The following CDK14 variants were observed in gnomAD, a reference collection of about 807,000 sequenced individuals.
CDK14 encodes the protein cyclin dependent kinase 14.
Under a neutral mutation model 60.7 loss-of-function variants are expected in CDK14, and 34 were observed. The ratio of observed to expected loss-of-function variants is 0.56; its 90% CI spans 0.43 to 0.75. The LOEUF is 0.75. CDK14 is among the 30% of genes least tolerant of loss of function. The probability of loss-of-function intolerance (pLI) is 0.00; values close to 1 mark genes in which losing one functional copy is unlikely to be tolerated. For synonymous variants in CDK14, 197 were observed against 203.7 expected (o/e 0.97, Z 0.28); for missense variants, 482 against 564.1 (o/e 0.85, Z 1.47).
At chr7:90,909,500 C>A (rs1229500822) in intron 7 of CDK14, among the ~76,000 whole-genome samples, 1 of 143,294 alleles carries the variant, frequency 7.0e-6, no homozygotes, top group African/African-American at 2.6e-5. Flanking sequence ...ACTTACTGTA[C>A]TAGATCTTCT....
chr7:91,117,743 A>G (rs1408149021), intron 13 of CDK14, among the ~76,000 whole-genome samples: 1 of 152,188 alleles, frequency 6.6e-6, no homozygotes, highest in Non-Finnish European at 1.5e-5. Flanking sequence ...GAGGCTCAAT[A>G]AATATTTTTC....
At chr7:91,153,288 G>T (rs905040168) in intron 14 of CDK14, among the ~76,000 whole-genome samples, 2 of 152,182 alleles carry the variant, frequency 1.3e-5, no homozygotes, top group Non-Finnish European at 2.9e-5. Flanking sequence ...TACAGTGTTG[G>T]TGTGAGTGTA....
At chr7:90,799,951 A>G (rs1470387402) in intron 5 of CDK14, among the ~76,000 whole-genome samples, 1 of 152,166 alleles carries the variant, frequency 6.6e-6, no homozygotes, top group Non-Finnish European at 1.5e-5. Context: ...CAGCATCCAC[A>G]TAGGACAAGA....
intron 4 of CDK14, among the ~76,000 whole-genome samples, chr7:90,759,887 G>T (rs1411888568): frequency 6.6e-6 from 1 of 152,142 alleles, no homozygotes; most frequent in Non-Finnish European, 1.5e-5. Context: ...CTTATGTTCA[G>T]TTTCTGTTGA....
intron 9 of CDK14, among the ~76,000 whole-genome samples, chr7:90,962,891 T>A (rs1794641161): frequency 1.3e-5 from 2 of 152,118 alleles, no homozygotes; most frequent in Admixed American, 6.5e-5. Context: ...CCCCAAATGT[T>A]GAGAACAGTG....
chr7:90,801,404 T>C (rs919828962), intron 5 of CDK14, among the ~76,000 whole-genome samples: 2 of 152,230 alleles, frequency 1.3e-5, no homozygotes, highest in Admixed American at 6.5e-5. Flanking sequence ...AAAATATCAT[T>C]CTCTGTGGAT....
In CDK14 at chr7:90,856,543, G is replaced by A. The variant is rs759896115; in HGVS notation, c.545-6632G>A. Among the ~76,000 whole-genome samples the A allele has an allele frequency of 1.6e-4, 24 of 152,200 alleles. No individual in the cohort carries two copies. The Middle Eastern group carries it at 0.014, about 86-fold the overall frequency. ...TATAGAACCATGAATGCACTAACCC[G>A]GAGCTGCGTATCAGTGCTCAGCGTA... On this transcript the variant is annotated intron_variant, in intron 5 of 14. Transcript: ENST00000380050.
intron 8 of CDK14, among the ~76,000 whole-genome samples, chr7:90,938,017 T>C (rs1793808043): frequency 6.6e-6 from 1 of 152,250 alleles, no homozygotes; most frequent in African/African-American, 2.4e-5. Context: ...ACACAATTTT[T>C]ATAGTAGTTG....
intron 14 of CDK14, among the ~76,000 whole-genome samples, chr7:91,191,620 G>C (rs913465233): frequency 5.3e-5 from 8 of 151,686 alleles, no homozygotes; most frequent in Non-Finnish European, 1.0e-4. Context: ...TGTTCAGATG[G>C]GGGGGTGGGA....
chr7:90,983,679 CAAA>C (rs199848997), intron 9 of CDK14, among the ~76,000 whole-genome samples: 1 of 116,858 alleles, frequency 8.6e-6, no homozygotes, highest in Non-Finnish European at 1.8e-5. Context: ...GACTCCATCT[CAAA>C]AAAAAAAAAA....
At chr7:91,040,632 G>A (rs991194393) in intron 10 of CDK14, among the ~76,000 whole-genome samples, 2 of 152,202 alleles carry the variant, frequency 1.3e-5, no homozygotes, top group Non-Finnish European at 2.9e-5. Context: ...GGAATCTGGT[G>A]CTTCCCATAT....
chr7:91,113,423 A>AT (rs2116357475), intron 13 of CDK14, among the ~76,000 whole-genome samples: 1 of 152,282 alleles, frequency 6.6e-6, no homozygotes, highest in South Asian at 2.1e-4. Flanking sequence ...CATTTTAAAT[A>AT]TTTGGGGGAG....
intron 5 of CDK14, among the ~76,000 whole-genome samples, chr7:90,815,681 C>T (rs1378129618): frequency 2.0e-5 from 3 of 152,096 alleles, no homozygotes; most frequent in African/African-American, 4.8e-5. Flanking sequence ...TGCCCATCAA[C>T]GATAGACTGG....
At position 90,763,232 on chromosome 7, in the gene CDK14, C is replaced by T. The variant is rs184988043; in HGVS notation, c.464+15457C>T. ...GGTTGTGACTTCAACACCACTTTGT[C>T]GGTAATTGACAGATTAAGCAGGCAG... On this transcript the variant is annotated intron_variant, in intron 4 of 14. Transcript: ENST00000380050. 1.1e-3 allele frequency among the ~76,000 whole-genome samples: 173 copies of T among 152,240 alleles called. 1 individual carries two copies. The highest frequency in any genetic ancestry group is 6.8e-3 in the Middle Eastern group (2 of 294).
At chr7:91,071,101 T>TA (rs1798129993) in intron 11 of CDK14, among the ~76,000 whole-genome samples, 1 of 152,098 alleles carries the variant, frequency 6.6e-6, no homozygotes, top group African/African-American at 2.4e-5. Context: ...TTCCAGATAG[T>TA]AAAGCCAAGA....
At chr7:91,104,153 AC>A (rs1799220654) in intron 12 of CDK14, among the ~76,000 whole-genome samples, 1 of 152,202 alleles carries the variant, frequency 6.6e-6, no homozygotes, top group African/African-American at 2.4e-5. Context: ...CTCTTGTCCC[AC>A]ATACCCTTCC....
intron 11 of CDK14, among the ~76,000 whole-genome samples, chr7:91,062,703 AC>A (rs1222576722): frequency 6.6e-6 from 1 of 152,170 alleles, no homozygotes; most frequent in Non-Finnish European, 1.5e-5. Context: ...GGGAAGGTAG[AC>A]AGGGCAGATG....
chr7:90,828,784 G>T (rs1431240787), intron 5 of CDK14, among the ~76,000 whole-genome samples: 1 of 152,200 alleles, frequency 6.6e-6, no homozygotes, highest in Non-Finnish European at 1.5e-5. Context: ...TGAGGTCTCT[G>T]TTGACACGTT....
intron 7 of CDK14, among the ~76,000 whole-genome samples, chr7:90,908,592 A>G (rs1175997278): frequency 6.6e-6 from 1 of 151,854 alleles, no homozygotes; most frequent in Non-Finnish European, 1.5e-5. Flanking sequence ...ATGGATCTGC[A>G]CACGACCCCT....
Sources: allele counts gnomAD v4.1 joint callset (sites outside exome capture counted in the v4.1 genomes callset), GRCh38; gene constraint gnomAD v4.1.1; transcripts MANE v1.5; gene names NCBI Gene and HGNC (gene_info 2026-07-23, HGNC 2026-07-21).